Variants in CYB561 observed in about 807,000 individuals in gnomAD.
CYB561 encodes transmembrane ascorbate-dependent reductase CYB561.
A neutral mutation model predicts 25.3 loss-of-function variants in CYB561; 11 were observed. That is an observed-to-expected ratio of 0.44 (90% confidence interval 0.27 to 0.72). The LOEUF (loss-of-function observed/expected upper bound fraction) is 0.72, where lower values mean the gene tolerates loss of function less well. Among genes scored for constraint, CYB561 ranks in the 30% least tolerant of loss-of-function variants. The probability of loss-of-function intolerance (pLI) is 0.18; values close to 1 mark genes in which losing one functional copy is unlikely to be tolerated. For synonymous variants in CYB561, 165 were observed against 158.8 expected, an observed-to-expected ratio of 1.04 and a Z score of -0.29; for missense variants, 295 against 334.9, an observed-to-expected ratio of 0.88 and a Z score of 0.93.
Position 63,434,995 on chromosome 17 carries a change from C to T in CYB561, c.563+91G>A, listed in dbSNP as rs1195796501. The T allele has an allele frequency of 1.0e-5, 14 of 1,392,720 alleles. No homozygotes were observed. In the East Asian group the frequency reaches 2.8e-4, roughly 28 times the overall value. 86.3% of individuals were successfully genotyped at this position (1,392,720 alleles called of 1,614,324 possible). A position where few individuals can be genotyped will look rare whatever the true frequency, so the allele number is the denominator to read the frequency against. On this transcript the variant is annotated intron_variant, in intron 5 of 5. Transcript: ENST00000360793. ...CCAGTTGTGACGCCACGAGAGGCGG[C>T]TCAGGAAGCCACAGCTGGGGAAGCT...
chr17:63,437,693 G>A (rs2147494161), intron 1 of CYB561, 133 bp from the exon 2 acceptor site: 2 of 625,646 alleles, frequency 3.2e-6, no homozygotes, highest in South Asian at 3.7e-5. Flanking sequence ...GATGCGCACA[G>A]CCGCCCCCGG....
chr17:63,433,478 G>A lies in CYB561; in HGVS notation c.*924C>T, dbSNP rs1194044633. On this transcript the variant is annotated 3_prime_UTR_variant, in exon 6 of 6. Coordinates refer to ENST00000360793, the MANE Select transcript of CYB561 (RefSeq NM_001915.4). ...CTCCAGAACAGAGGCAGCAGCTCCA[G>A]CAGCCCCAGGGGGCTCTAGCCACAG... 3 of 398,814 alleles carry A rather than the reference G, an allele frequency of 7.5e-6. No homozygotes were observed. The highest frequency in any genetic ancestry group is 3.6e-5 in the East Asian group (1 of 28,096). 24.7% of individuals were successfully genotyped at this position (398,814 alleles called of 1,614,324 possible).
At position 63,433,114 on chromosome 17, in the gene CYB561, G is replaced by A; in HGVS notation, c.*1288C>T. 3.1e-6 allele frequency: 1 copy of A among 326,008 alleles called. No individual in the cohort carries two copies. The highest frequency in any genetic ancestry group is 5.5e-6 in the Non-Finnish European group (1 of 180,912). The allele number at this position is 326,008 out of a possible 1,614,324, so 20.2% of individuals were successfully genotyped here. Reference sequence around the variant, plus strand: ...GGAGTGCAATCTCAGCTCACTGCAAGCGCCATCTCCCGGGTTCACACCATT... The same window carrying A: ...GGAGTGCAATCTCAGCTCACTGCAAACGCCATCTCCCGGGTTCACACCATT... On this transcript the variant is annotated 3_prime_UTR_variant, in exon 6 of 6. Transcript: ENST00000360793.
chr17:63,436,234 T>C lies in CYB561; in HGVS notation c.203-82A>G. The C allele has an allele frequency of 6.5e-7, 1 of 1,528,592 alleles. No homozygotes were observed. Among genetic ancestry groups the C allele is most frequent in the Non-Finnish European group, 8.9e-7 (1 of 1,120,314 alleles). The allele number at this position is 1,528,592 out of a possible 1,614,324, so 94.7% of individuals were successfully genotyped here. ...CCCCAGCAGCAAGGAGGCACCTTGGTGGAGAGGTGATGTGAGCTGACGGCT... is the reference window on the plus strand; with the variant it reads ...CCCCAGCAGCAAGGAGGCACCTTGGCGGAGAGGTGATGTGAGCTGACGGCT... On this transcript the variant is annotated intron_variant, in intron 2 of 5. Transcript: ENST00000360793. This position sits in a 1 kb window ranked among gnomAD's most constrained non-coding sequence, Gnocchi z 4.8.
At chr17:63,435,604 A>G (rs2049288194) in intron 4 of CYB561, 84 bp downstream of exon 4, 1 of 1,089,310 alleles carries the variant, frequency 9.2e-7, no homozygotes, top group Non-Finnish European at 1.4e-6. Flanking sequence ...AGGCCCTTCC[A>G]TGAGGTACAT....
Position 63,436,838 on chromosome 17 carries a change from G to A in CYB561, c.202+508C>T, listed in dbSNP as rs552012955. On this transcript the variant is annotated intron_variant, in intron 2 of 5. Coordinates refer to ENST00000360793, the MANE Select transcript of CYB561 (RefSeq NM_001915.4). The surrounding 1 kb of genome is among the most constrained non-coding windows in gnomAD (Gnocchi z 4.8). ...CACCAGGACCACCTCTAGGAAGAGC[G>A]GGTCAACCGGATGCAGATCCCGCTT... 8.9e-4 allele frequency: 149 copies of A among 167,768 alleles called. No homozygotes were observed. The highest frequency in any genetic ancestry group is 3.4e-3 in the African/African-American group (141 of 41,894). 10.4% of individuals were successfully genotyped at this position (167,768 alleles called of 1,614,324 possible).
Position 63,432,476 on chromosome 17 carries a change from T to C in CYB561, c.*1926A>G, listed in dbSNP as rs1367427975. On this transcript the variant is annotated 3_prime_UTR_variant, in exon 6 of 6. Transcript: ENST00000360793. ...GGCAAACAGACCAGTTTACAGACTT[T>C]TGTTGCAAATCTAAGGTTCCATTTC... The C allele has an allele frequency of 2.0e-5, 3 of 152,216 alleles. No homozygotes were observed. The highest frequency in any genetic ancestry group is 2.9e-5 in the Non-Finnish European group (2 of 68,036). 9.4% of individuals were successfully genotyped at this position (152,216 alleles called of 1,614,324 possible).
intron 1 of CYB561, chr17:63,440,323 G>C: frequency 2.5e-6 from 1 of 398,674 alleles, no homozygotes; most frequent in East Asian, 3.6e-5. Context: ...TGACACCTCA[G>C]CTCCTCCACA....
rs2049261843 is a variant in CYB561, at chr17:63,433,866, CCT to C, written c.*534_*535del. 5.8e-6 allele frequency: 1 copy of C among 171,154 alleles called. No homozygotes were observed. The highest frequency in any genetic ancestry group is 2.4e-5 in the African/African-American group (1 of 42,242). 10.6% of individuals were successfully genotyped at this position (171,154 alleles called of 1,614,324 possible). On this transcript the variant is annotated 3_prime_UTR_variant, in exon 6 of 6. Transcript: ENST00000360793. ...GAGCTTCCCAGGGGCCAGTCCCTCC[CCT>C]CTCCTGGGGAACCTTGCTTTCACCA... is the stretch of plus-strand genomic sequence containing the variant.
At chr17:63,445,002 C>T (rs1169467922) in intron 1 of CYB561, among the ~76,000 whole-genome samples, 1 of 152,172 alleles carries the variant, frequency 6.6e-6, no homozygotes, top group Non-Finnish European at 1.5e-5. Flanking sequence ...ATGGTGAAAC[C>T]CCGTCTCTCC....
intron 2 of CYB561, chr17:63,437,077 C>T (rs1270351462): frequency 1.7e-5 from 9 of 523,502 alleles, no homozygotes; most frequent in African/African-American, 1.7e-4. Flanking sequence ...TCCTTTCCCT[C>T]TGCTGCAAGA....
chr17:63,437,656 GCCC>G (rs1170371650), intron 1 of CYB561, 96 bp from the exon 2 acceptor site: 3 of 917,838 alleles, frequency 3.3e-6, no homozygotes, highest in African/African-American at 2.4e-5. Context: ...ATGCGCACAG[GCCC>G]CCCGAGATGT....
At position 63,432,431 on chromosome 17, in the gene CYB561, A is replaced by G. The variant is rs1320099187; in HGVS notation, c.*1971T>C. The stretch of plus-strand genomic sequence containing the variant: ...TTCTGGGGGCCTTCTTCAGCTCCTT[A>G]GTCATCCAGTGTTCACTTTGGCAAA... On this transcript the variant is annotated 3_prime_UTR_variant, in exon 6 of 6. Transcript: ENST00000360793. The G allele has an allele frequency of 3.3e-5, 5 of 152,238 alleles. No individual in the cohort carries two copies. In the East Asian group the frequency reaches 7.7e-4, roughly 23 times the overall value. The allele number at this position is 152,238 out of a possible 1,614,324, so 9.4% of individuals were successfully genotyped here. A position where few individuals can be genotyped will look rare whatever the true frequency, so the allele number is the denominator to read the frequency against.
At chr17:63,442,786 C>T (rs540537242) in intron 1 of CYB561, 1 of 152,358 alleles carries the variant, frequency 6.6e-6, no homozygotes, top group South Asian at 2.1e-4. Context: ...CAGCCAGAAT[C>T]CACTTAATGC....
At position 63,432,340 on chromosome 17, in the gene CYB561, A is replaced by C. The variant is rs14902; in HGVS notation, c.*2062T>G. 1 of 152,230 alleles carries C rather than the reference A, an allele frequency of 6.6e-6. No homozygotes were observed. The highest frequency in any genetic ancestry group is 6.5e-5 in the Admixed American group (1 of 15,282). The allele number at this position is 152,230 out of a possible 1,614,324, so 9.4% of individuals were successfully genotyped here. Reference sequence around the variant, plus strand: ...CATTTATTGAATCATCTGTTGCACCAACAGCACATTGTATTTCACAGAAGA... The same window carrying C: ...CATTTATTGAATCATCTGTTGCACCCACAGCACATTGTATTTCACAGAAGA... On this transcript the variant is annotated 3_prime_UTR_variant, in exon 6 of 6. Coordinates refer to ENST00000360793, the MANE Select transcript of CYB561 (RefSeq NM_001915.4).
chr17:63,432,734 G>C lies in CYB561; in HGVS notation c.*1668C>G, dbSNP rs2049240516. The C allele has an allele frequency of 6.6e-6, 1 of 152,350 alleles. No homozygotes were observed. The highest frequency in any genetic ancestry group is 1.5e-5 in the Non-Finnish European group (1 of 68,134). The allele number at this position is 152,350 out of a possible 1,614,324, so 9.4% of individuals were successfully genotyped here. On this transcript the variant is annotated 3_prime_UTR_variant, in exon 6 of 6. Coordinates refer to ENST00000360793, the MANE Select transcript of CYB561 (RefSeq NM_001915.4). ...GCTCGAAGGAGCCTGGGCAGACCCTGCTGGGGAGGGGCCTGGACTACAACC... is the reference window on the plus strand; with the variant it reads ...GCTCGAAGGAGCCTGGGCAGACCCTCCTGGGGAGGGGCCTGGACTACAACC...
chr17:63,445,347 G>A (rs995653014), intron 1 of CYB561, among the ~76,000 whole-genome samples: 3 of 151,216 alleles, frequency 2.0e-5, no homozygotes, highest in African/African-American at 4.9e-5. Flanking sequence ...ATTTCACCGG[G>A]AGAAATCCAG....
rs35447397 is a variant in CYB561 at position 63,436,148 on chromosome 17, C to A, written c.207G>T (p.Leu69=). 1 of 1,613,698 alleles carries A rather than the reference C, an allele frequency of 6.2e-7. No homozygotes were observed. Among genetic ancestry groups the A allele is most frequent in the African/African-American group, 1.3e-5 (1 of 74,930 alleles). Residue 69 remains leucine (L), a synonymous_variant, in exon 3 of 6, where the codon CTG becomes CTT. Coordinates refer to ENST00000360793, the MANE Select transcript of CYB561 (RefSeq NM_001915.4). This position sits in a 1 kb window ranked among gnomAD's most constrained non-coding sequence, Gnocchi z 4.8. ...IGLIFLQGNA[L]LVYRVFRNEA... is the part of the protein sequence containing the mutation. ...CGTTCCTGAAGACACGGTAAACCAG[C>A]AGGGCTGTGGGAGGTGAGAGAGGGA...
In CYB561 at chr17:63,437,419, G is replaced by A. The variant is rs2049315290; in HGVS notation, c.129C>T (p.Ala43=). 6.2e-7 allele frequency: 1 copy of A among 1,614,050 alleles called. No homozygotes were observed. The highest frequency in any genetic ancestry group is 8.5e-7 in the Non-Finnish European group (1 of 1,179,976). Residue 43 remains alanine (A), a synonymous_variant, in exon 2 of 6, where the codon GCC becomes GCT. Transcript: ENST00000360793. ...AWLGLYRGGI[A]WESDLQFNAH... The stretch of plus-strand genomic sequence containing the variant: ...CGTTGAACTGCAGGTCGCTCTCCCA[G>A]GCAATGCCGCCTCGGTACAGCCCGA...
Sources: allele counts gnomAD v4.1 joint callset (sites outside exome capture counted in the v4.1 genomes callset), GRCh38; gene constraint gnomAD v4.1.1; non-coding constraint Gnocchi (gnomAD v3.1); transcripts MANE v1.5; gene names NCBI Gene and HGNC (gene_info 2026-07-23, HGNC 2026-07-21).